The following LHFPL2 variants were observed in gnomAD, a reference collection of about 807,000 sequenced individuals.
The protein encoded by LHFPL2 is LHFPL tetraspan subfamily member 2, also known as LHFPL tetraspan subfamily member 2 protein.
A neutral mutation model predicts 17.5 loss-of-function variants in LHFPL2; 7 were observed. The observed-to-expected ratio is 0.40, with a 90% CI of 0.23 to 0.75. The LOEUF (loss-of-function observed/expected upper bound fraction) is 0.75, where lower values mean the gene tolerates loss of function less well. Among genes scored for constraint, LHFPL2 ranks in the 30% least tolerant of loss-of-function variants. The probability of loss-of-function intolerance (pLI) is 0.37; values close to 1 mark genes in which losing one functional copy is unlikely to be tolerated. For missense variants in LHFPL2, 241 were observed against 294.8 expected (o/e 0.82, Z 1.34); for synonymous variants, 134 against 116.2 (o/e 1.15, Z -0.99).
At chr5:78,500,040 CAGTAT>C (rs1463000516) in intron 4 of LHFPL2, among the ~76,000 whole-genome samples, 1 of 138,066 alleles carries the variant, frequency 7.2e-6, no homozygotes, top group Non-Finnish European at 1.5e-5. Flanking sequence ...AAAAAAAAGG[CAGTAT>C]AATCAACTGA....
At chr5:78,509,277 G>A (rs116327833) in intron 4 of LHFPL2, among the ~76,000 whole-genome samples, 1 of 152,144 alleles carries the variant, frequency 6.6e-6, no homozygotes, top group East Asian at 1.9e-4. Context: ...TTCCCAGCCC[G>A]TGTCTTTCCC....
rs868408193 is a variant in LHFPL2 at position 78,608,661 on chromosome 5, G to A, written c.-245+23603C>T. Among the ~76,000 whole-genome samples, 13 of 152,072 alleles carry A rather than the reference G, an allele frequency of 8.5e-5. 1 individual carries two copies. Among genetic ancestry groups the A allele is most frequent in the East Asian group, 5.8e-4 (3 of 5,178 alleles). ...AAAATACATTAGAGAGGCTGGGCAC[G>A]GTGGCTCACGCCTGTAATCCCAGCA... On this transcript the variant is annotated intron_variant, in intron 2 of 4. Coordinates refer to ENST00000380345, the MANE Select transcript of LHFPL2 (RefSeq NM_005779.3).
At chr5:78,605,560 GAATGT>G (rs1219811859) in intron 2 of LHFPL2, among the ~76,000 whole-genome samples, 1 of 152,290 alleles carries the variant, frequency 6.6e-6, no homozygotes, top group African/African-American at 2.4e-5. Context: ...GAACTGGATA[GAATGT>G]ACACAGGTCA....
At chr5:78,629,025 A>G (rs1276487922) in intron 2 of LHFPL2, among the ~76,000 whole-genome samples, 6 of 152,222 alleles carry the variant, frequency 3.9e-5, no homozygotes, top group African/African-American at 1.4e-4. Flanking sequence ...TTATAGGGAA[A>G]AGGGGGAAAA....
Position 78,510,279 on chromosome 5 carries a change from G to A in LHFPL2, c.-66C>T. On this transcript the variant is annotated 5_prime_UTR_variant, in exon 4 of 5. Coordinates refer to ENST00000380345, the MANE Select transcript of LHFPL2 (RefSeq NM_005779.3). ...GTTAATCAAAACAAGAAAGTCGGTG[G>A]GGAAGGAGGCTCGGGCGGCCCGGGA... The A allele has an allele frequency of 2.8e-6, 4 of 1,452,446 alleles. No individual in the cohort carries two copies. Among genetic ancestry groups the A allele is most frequent in the Non-Finnish European group, 2.8e-6 (3 of 1,086,292 alleles). 90.0% of individuals were successfully genotyped at this position (1,452,446 alleles called of 1,614,324 possible).
intron 2 of LHFPL2, among the ~76,000 whole-genome samples, chr5:78,584,534 A>C (rs570360542): frequency 6.6e-6 from 1 of 152,110 alleles, no homozygotes; most frequent in Non-Finnish European, 1.5e-5. Context: ...CTGTTGGAGT[A>C]CCGGGCCGTG....
At chr5:78,632,596 T>A (rs1745292523) in intron 1 of LHFPL2, among the ~76,000 whole-genome samples, 1 of 152,146 alleles carries the variant, frequency 6.6e-6, no homozygotes, top group Non-Finnish European at 1.5e-5. Flanking sequence ...TACCTGTGCT[T>A]CAGTTTCCTC....
At chr5:78,507,011 C>T (rs1187697634) in intron 4 of LHFPL2, among the ~76,000 whole-genome samples, 3 of 152,098 alleles carry the variant, frequency 2.0e-5, no homozygotes, top group Non-Finnish European at 2.9e-5. Flanking sequence ...CTCCAAGAGA[C>T]CTTGTGCAGA....
intron 2 of LHFPL2, among the ~76,000 whole-genome samples, chr5:78,574,994 T>A (rs545061209): frequency 2.2e-4 from 33 of 152,070 alleles, no homozygotes; most frequent in African/African-American, 8.0e-4. Context: ...CATAAAAGAA[T>A]CGAGAGACGT....
At chr5:78,542,228 C>A (rs1248004912) in intron 3 of LHFPL2, among the ~76,000 whole-genome samples, 4 of 152,130 alleles carry the variant, frequency 2.6e-5, no homozygotes, top group African/African-American at 9.7e-5. Flanking sequence ...TCACATCACC[C>A]CAGGGCTGGC....
chr5:78,615,354 G>C (rs2112491375), intron 2 of LHFPL2, among the ~76,000 whole-genome samples: 1 of 152,288 alleles, frequency 6.6e-6, no homozygotes, highest in South Asian at 2.1e-4. Context: ...AAAAAAGGAA[G>C]GAGAGACACT....
Position 78,487,521 on chromosome 5 carries a change from T to G in LHFPL2, c.*1376A>C, listed in dbSNP as rs558704389. 51 of 152,372 alleles carry G rather than the reference T, an allele frequency of 3.3e-4. No individual in the cohort carries two copies. The highest frequency in any genetic ancestry group is 1.2e-3 in the African/African-American group (51 of 41,590). 9.4% of individuals were successfully genotyped at this position (152,372 alleles called of 1,614,324 possible). A position where few individuals can be genotyped will look rare whatever the true frequency, so the allele number is the denominator to read the frequency against. Reference sequence around the variant, plus strand: ...TTCTTAAAGTGCTAAGGAGTGTTTCTGTATCATGATACAATTTTGAAGCTC... The same window carrying G: ...TTCTTAAAGTGCTAAGGAGTGTTTCGGTATCATGATACAATTTTGAAGCTC... On this transcript the variant is annotated 3_prime_UTR_variant, in exon 5 of 5. Coordinates refer to ENST00000380345, the MANE Select transcript of LHFPL2 (RefSeq NM_005779.3).
intron 2 of LHFPL2, among the ~76,000 whole-genome samples, chr5:78,597,091 C>G (rs759776100): frequency 8.5e-5 from 13 of 152,190 alleles, no homozygotes; most frequent in Non-Finnish European, 1.8e-4. Context: ...ACCTGTGGGA[C>G]TCAGGAAAAT....
Position 78,607,273 on chromosome 5 carries a change from C to T in LHFPL2, c.-245+24991G>A, listed in dbSNP as rs190511266. On this transcript the variant is annotated intron_variant, in intron 2 of 4. Transcript: ENST00000380345. The stretch of plus-strand genomic sequence containing the variant: ...GATTACAGGCACCCGCCACCACCTC[C>T]GGCTAATTTTTGTATTCTTAGTAGA... 3.3e-3 allele frequency among the ~76,000 whole-genome samples: 501 copies of T among 150,832 alleles called. 1 individual carries two copies. The highest frequency in any genetic ancestry group is 5.8e-3 in the Non-Finnish European group (389 of 67,648).
chr5:78,504,602 A>G (rs1465941076), intron 4 of LHFPL2, among the ~76,000 whole-genome samples: 1 of 152,236 alleles, frequency 6.6e-6, no homozygotes, highest in Non-Finnish European at 1.5e-5. Context: ...ACTTCCATGC[A>G]TCAGATTTAT....
rs34179854 is a variant in LHFPL2 at position 78,524,742 on chromosome 5, C to CAAAAAA, written c.-185-14350_-185-14345dup. Among the ~76,000 whole-genome samples the CAAAAAA allele has an allele frequency of 3.9e-3, 457 of 117,740 alleles. 1 individual carries two copies. The highest frequency in any genetic ancestry group is 0.014 in the African/African-American group (440 of 30,598). 77.2% of individuals were successfully genotyped at this position (117,740 alleles called of 152,430 possible). ...GGGGGACAGAATGTGACCCTGTTCT[C>CAAAAAA]AAAAAAAAAAAAAAAAAAAAATTGT... On this transcript the variant is annotated intron_variant, in intron 3 of 4. Transcript: ENST00000380345.
At chr5:78,503,407 C>T (rs147239339) in intron 4 of LHFPL2, among the ~76,000 whole-genome samples, 580 of 152,314 alleles carry the variant, frequency 3.8e-3, no homozygotes, top group Non-Finnish European at 6.2e-3. Flanking sequence ...AAAAACAGGT[C>T]CCCGTCTTGG....
chr5:78,587,333 C>T (rs529732595), intron 2 of LHFPL2, among the ~76,000 whole-genome samples: 1 of 152,306 alleles, frequency 6.6e-6, no homozygotes, highest in East Asian at 1.9e-4. Flanking sequence ...CAATGGTAGA[C>T]ACTGCAAGCT....
intron 2 of LHFPL2, among the ~76,000 whole-genome samples, chr5:78,591,948 C>G (rs1316086543): frequency 6.6e-6 from 1 of 152,244 alleles, no homozygotes; most frequent in Admixed American, 6.5e-5. Context: ...GTTGACAGGT[C>G]TGAGAACTGA....
Sources: gnomAD v4.1 joint callset for allele counts (sites outside exome capture counted in the v4.1 genomes callset) on GRCh38, gnomAD v4.1.1 for gene constraint, MANE v1.5 for transcripts, NCBI Gene and HGNC (gene_info 2026-07-23, HGNC 2026-07-21) for gene names.